CCSER1: variants seen among roughly 807,000 people sequenced by gnomAD.
CCSER1 encodes serine-rich coiled-coil domain-containing protein 1.
In CCSER1, 41 loss-of-function variants were observed where a neutral mutation model predicts 82.0. That is an observed-to-expected ratio of 0.50 (90% CI 0.39 to 0.65). The LOEUF (loss-of-function observed/expected upper bound fraction) is 0.65. Ranked by LOEUF, CCSER1 falls within the 30% of genes least tolerant of loss-of-function variation. The probability of loss-of-function intolerance (pLI) is 0.00; values close to 1 mark genes in which losing one functional copy is unlikely to be tolerated. For missense variants in CCSER1, 1,119 were observed against 1,064.2 expected (o/e 1.05, Z -0.72); for synonymous variants, 414 against 383.9 (o/e 1.08, Z -0.92).
intron 4 of CCSER1, among the ~76,000 whole-genome samples, chr4:90,428,737 A>T (rs1382713051): frequency 6.6e-6 from 1 of 151,772 alleles, no homozygotes; most frequent in Non-Finnish European, 1.5e-5. Context: ...CGCAGCTGAA[A>T]CCCCTGTTGT....
At chr4:90,274,728 A>G (rs909932551) in intron 1 of CCSER1, among the ~76,000 whole-genome samples, 2 of 152,144 alleles carry the variant, frequency 1.3e-5, no homozygotes, top group Non-Finnish European at 1.5e-5. Context: ...GTCCCAGAAT[A>G]TCATACTTTC....
intron 5 of CCSER1, among the ~76,000 whole-genome samples, chr4:90,498,658 C>A (rs1351533683): frequency 6.6e-6 from 1 of 152,112 alleles, no homozygotes; most frequent in Non-Finnish European, 1.5e-5. Flanking sequence ...AGGTGCCATG[C>A]ATTTTAGATG....
chr4:90,757,744 TCA>T (rs1749763319), intron 7 of CCSER1, among the ~76,000 whole-genome samples: 1 of 152,070 alleles, frequency 6.6e-6, no homozygotes, highest in South Asian at 2.1e-4. Flanking sequence ...TGCTTCAAAC[TCA>T]GTTTTAACAG....
intron 7 of CCSER1, among the ~76,000 whole-genome samples, chr4:90,778,853 G>A (rs1269986708): frequency 1.3e-5 from 2 of 152,022 alleles, no homozygotes; most frequent in African/African-American, 4.8e-5. Context: ...TTCAAAACCA[G>A]ATGTGTTGAT....
At chr4:90,489,569 G>A (rs1767641439) in intron 5 of CCSER1, among the ~76,000 whole-genome samples, 1 of 152,064 alleles carries the variant, frequency 6.6e-6, no homozygotes, top group Non-Finnish European at 1.5e-5. Context: ...TGTGCACAAT[G>A]TGCAGGTTTG....
Position 90,308,800 on chromosome 4 carries a change from T to C in CCSER1, c.516T>C (p.Ser172=). Residue 172 remains serine, a synonymous_variant, in exon 2 of 11, where the codon TCT becomes TCC. Transcript: ENST00000509176. The part of the protein sequence containing the change: ...SGFTEDQTRR[S]VKQSTRKLLP... The stretch of plus-strand genomic sequence containing the variant: ...TCACAGAAGACCAAACTCGTCGTTC[T>C]GTTAAGCAGTCAACAAGGAAGCTAC... 6.2e-7 allele frequency: 1 copy of C among 1,613,856 alleles called. No homozygotes were observed.
chr4:91,149,340 A>G (rs143407841), intron 10 of CCSER1, among the ~76,000 whole-genome samples: 30,095 of 151,752 alleles, frequency 0.2, 3,250 homozygotes, highest in Non-Finnish European at 0.23. Context: ...ATTTTTTCTC[A>G]TAAATTTGTT....
chr4:91,514,561 G>A (rs955013493), intron 10 of CCSER1, among the ~76,000 whole-genome samples: 7 of 152,088 alleles, frequency 4.6e-5, no homozygotes, highest in African/African-American at 1.4e-4. Flanking sequence ...TTAATTCCCC[G>A]ATTATTGTTG....
intron 7 of CCSER1, among the ~76,000 whole-genome samples, chr4:90,740,845 G>A (rs1746434845): frequency 6.6e-6 from 1 of 152,036 alleles, no homozygotes; most frequent in Non-Finnish European, 1.5e-5. Context: ...CAGATATTGG[G>A]TCATAGTCTG....
At chr4:90,435,515 A>G (rs939622183) in intron 4 of CCSER1, among the ~76,000 whole-genome samples, 1 of 152,118 alleles carries the variant, frequency 6.6e-6, no homozygotes, top group Non-Finnish European at 1.5e-5. Context: ...TGGAATGTTT[A>G]TCTCTTGAGT....
chr4:90,426,006 A>T (rs1460913391), intron 4 of CCSER1, among the ~76,000 whole-genome samples: 1 of 152,086 alleles, frequency 6.6e-6, no homozygotes, highest in African/African-American at 2.4e-5. Flanking sequence ...TAGAGAAGTG[A>T]CGTTTTTCCA....
At chr4:91,517,027 A>T (rs550795176) in intron 10 of CCSER1, among the ~76,000 whole-genome samples, 1 of 152,220 alleles carries the variant, frequency 6.6e-6, no homozygotes, top group South Asian at 2.1e-4. Flanking sequence ...TTGGAATGGT[A>T]CTGATTTTTG....
intron 10 of CCSER1, among the ~76,000 whole-genome samples, chr4:91,398,060 TA>T (rs1408952976): frequency 1.3e-5 from 2 of 152,118 alleles, no homozygotes; most frequent in East Asian, 3.9e-4. Flanking sequence ...AATGAGTAAT[TA>T]TTTTTTTTAA....
At chr4:91,201,230 T>C (rs1220836961) in intron 10 of CCSER1, among the ~76,000 whole-genome samples, 7 of 152,110 alleles carry the variant, frequency 4.6e-5, no homozygotes, top group Non-Finnish European at 8.8e-5. Context: ...AGCAAGTTAC[T>C]ATTTAATAGT....
intron 9 of CCSER1, among the ~76,000 whole-genome samples, chr4:90,942,857 T>A (rs778364583): frequency 6.7e-6 from 1 of 148,214 alleles, no homozygotes; most frequent in Non-Finnish European, 1.5e-5. Context: ...CCTAAAAAAA[T>A]TATATATATT....
chr4:91,232,952 A>G (rs555481552), intron 10 of CCSER1, among the ~76,000 whole-genome samples: 2 of 151,948 alleles, frequency 1.3e-5, no homozygotes, highest in East Asian at 3.9e-4. Flanking sequence ...AGATATGTAT[A>G]AAAGCTTCAA....
intron 10 of CCSER1, among the ~76,000 whole-genome samples, chr4:91,530,134 G>A (rs1760949948): frequency 1.3e-5 from 2 of 151,932 alleles, no homozygotes; most frequent in South Asian, 2.1e-4. Flanking sequence ...ATCTCTCAAC[G>A]GTAATGAAGA....
At chr4:91,057,396 C>A in intron 9 of CCSER1, among the ~76,000 whole-genome samples, 1 of 152,060 alleles carries the variant, frequency 6.6e-6, no homozygotes. Context: ...TGTTCCCCAC[C>A]CCTTTGTCGT....
chr4:90,931,407 C>A (rs1729798228), intron 9 of CCSER1, among the ~76,000 whole-genome samples: 1 of 151,934 alleles, frequency 6.6e-6, no homozygotes, highest in African/African-American at 2.4e-5. Flanking sequence ...TATTTGCTGT[C>A]CATTTTATTA....
Sources: allele counts gnomAD v4.1 joint callset (sites outside exome capture counted in the v4.1 genomes callset), GRCh38; gene constraint gnomAD v4.1.1; transcripts MANE v1.5; gene names NCBI Gene and HGNC (gene_info 2026-07-23, HGNC 2026-07-21).